Variants in CDYL2 observed in about 807,000 individuals in gnomAD.
The protein encoded by CDYL2 is chromodomain Y-like protein 2.
In CDYL2, 23 loss-of-function variants were observed where a neutral mutation model predicts 49.4. The observed-to-expected ratio is 0.47, with a 90% confidence interval of 0.34 to 0.66. The LOEUF (loss-of-function observed/expected upper bound fraction) is 0.66. Ranked by LOEUF, CDYL2 falls within the 30% of genes least tolerant of loss-of-function variation. CDYL2 has a pLI of 0.01. For synonymous variants in CDYL2, 360 were observed against 268.8 expected, an observed-to-expected ratio of 1.34 and a Z score of -3.32; for missense variants, 678 against 656.4, an observed-to-expected ratio of 1.03 and a Z score of -0.36.
intron 1 of CDYL2, among the ~76,000 whole-genome samples, chr16:80,724,967 A>G (rs1008624464): frequency 6.6e-6 from 1 of 152,234 alleles, no homozygotes; most frequent in African/African-American, 2.4e-5. Flanking sequence ...CACTGAACTA[A>G]GAATGAAATC....
intron 1 of CDYL2, among the ~76,000 whole-genome samples, chr16:80,702,507 TGG>T (rs1327082929): frequency 6.6e-6 from 1 of 152,176 alleles, no homozygotes; most frequent in Admixed American, 6.5e-5. Context: ...TTCAGCACTC[TGG>T]GAGACCAAAG....
At chr16:80,777,536 G>T (rs867847360) in intron 1 of CDYL2, among the ~76,000 whole-genome samples, 5 of 151,946 alleles carry the variant, frequency 3.3e-5, no homozygotes, top group South Asian at 4.1e-4. Flanking sequence ...AAGAGATGAA[G>T]GGTATAACCA....
chr16:80,707,273 G>A (rs779775750), intron 1 of CDYL2, among the ~76,000 whole-genome samples: 1 of 152,082 alleles, frequency 6.6e-6, no homozygotes, highest in Non-Finnish European at 1.5e-5. Flanking sequence ...GACCAGCCTG[G>A]TCAACACAGC....
chr16:80,778,933 A>T (rs1907177612), intron 1 of CDYL2, among the ~76,000 whole-genome samples: 1 of 152,120 alleles, frequency 6.6e-6, no homozygotes, highest in Non-Finnish European at 1.5e-5. Context: ...CAACAATCAC[A>T]GAGACCATAT....
rs1908023557 is a variant in CDYL2, at chr16:80,804,155, A to G, written c.19T>C (p.Tyr7His). ...GCGCCCCCGCGTCCCCGTACCTCGT[A>G]AAGGTCCCCAGAAGCCATGCCAGGC... MASGDLYEVERIVDKRK... is the reference protein window; with the variant it reads MASGDLHEVERIVDKRK... Residue 7 changes from tyrosine to histidine, a missense_variant, in exon 1 of 7, where the codon TAC (tyrosine) becomes CAC (histidine). Physicochemically the swap from Tyr to His is moderately conservative, Grantham distance 83. Around this residue, in one of 3 missense-constraint regions of CDYL2, gnomAD observed 478 missense variants for 427.0 expected, o/e 1.12. Transcript: ENST00000570137. 2.3e-6 allele frequency: 3 copies of G among 1,277,250 alleles called. No homozygotes were observed. The highest frequency in any genetic ancestry group is 2.8e-5 in the Admixed American group (1 of 35,820). 79.1% of individuals were successfully genotyped at this position (1,277,250 alleles called of 1,614,324 possible). A position where few individuals can be genotyped will look rare whatever the true frequency, so the allele number is the denominator to read the frequency against.
chr16:80,692,095 C>T (rs1910439721), intron 1 of CDYL2, among the ~76,000 whole-genome samples: 1 of 152,010 alleles, frequency 6.6e-6, no homozygotes, highest in Non-Finnish European at 1.5e-5. Context: ...CTAAGTCCAA[C>T]AAAGAGAAAA....
At chr16:80,623,793 T>C (rs1333504907) in intron 3 of CDYL2, among the ~76,000 whole-genome samples, 1 of 152,152 alleles carries the variant, frequency 6.6e-6, no homozygotes, top group Non-Finnish European at 1.5e-5. Context: ...TTGGGGACCA[T>C]GTCCTTCACC....
At chr16:80,700,565 G>A (rs1314604092) in intron 1 of CDYL2, among the ~76,000 whole-genome samples, 1 of 152,118 alleles carries the variant, frequency 6.6e-6, no homozygotes, top group Non-Finnish European at 1.5e-5. Flanking sequence ...TAGAAAGAGG[G>A]TTAAGCTCAT....
chr16:80,712,215 A>ATATATATATATATATATATATATATC (rs763194077), intron 1 of CDYL2, among the ~76,000 whole-genome samples: 5 of 128,372 alleles, frequency 3.9e-5, no homozygotes, highest in East Asian at 2.1e-4. Flanking sequence ...ATATATATAT[A>ATATATATATATATATATATATATATC]TCTCCAAACC....
chr16:80,734,232 T>C (rs949433758), intron 1 of CDYL2, among the ~76,000 whole-genome samples: 2 of 152,202 alleles, frequency 1.3e-5, no homozygotes, highest in African/African-American at 2.4e-5. Context: ...TAAATCTTGT[T>C]GCATATTCCT....
At chr16:80,659,440 G>A (rs937388383) in intron 2 of CDYL2, among the ~76,000 whole-genome samples, 2 of 151,944 alleles carry the variant, frequency 1.3e-5, no homozygotes, top group African/African-American at 2.4e-5. Flanking sequence ...TTGCATCAAC[G>A]CAAAATTTCT....
intron 1 of CDYL2, among the ~76,000 whole-genome samples, chr16:80,697,591 G>C (rs1904281439): frequency 6.6e-6 from 1 of 152,092 alleles, no homozygotes; most frequent in South Asian, 2.1e-4. Context: ...ACAAGATAAA[G>C]AAATAAGGGG....
intron 3 of CDYL2, among the ~76,000 whole-genome samples, chr16:80,621,164 G>C (rs1033568502): frequency 1.3e-5 from 2 of 152,254 alleles, no homozygotes; most frequent in African/African-American, 4.8e-5. Context: ...AGGCAGAAGA[G>C]TGCTAATAAG....
chr16:80,750,460 A>T (rs1195884131), intron 1 of CDYL2, among the ~76,000 whole-genome samples: 1 of 151,932 alleles, frequency 6.6e-6, no homozygotes, highest in African/African-American at 2.4e-5. Context: ...AGAGAGAAAT[A>T]AAAAACTTAA....
intron 4 of CDYL2, among the ~76,000 whole-genome samples, chr16:80,616,935 C>T (rs576107422): frequency 1.1e-4 from 16 of 152,342 alleles, no homozygotes; most frequent in African/African-American, 3.8e-4. Context: ...ATACCCAAAG[C>T]TCCACCACCA....
chr16:80,619,454 T>C (rs1327250945), intron 4 of CDYL2, among the ~76,000 whole-genome samples: 1 of 152,148 alleles, frequency 6.6e-6, no homozygotes. Flanking sequence ...ACACCTCCAC[T>C]GAAATGTGTA....
chr16:80,633,564 T>C (rs895826902), intron 2 of CDYL2, among the ~76,000 whole-genome samples: 2 of 152,228 alleles, frequency 1.3e-5, no homozygotes, highest in Non-Finnish European at 2.9e-5. Context: ...CCCTCTCCAC[T>C]GGTGGATGCC....
chr16:80,747,577 C>T (rs1037502185), intron 1 of CDYL2, among the ~76,000 whole-genome samples: 37 of 152,190 alleles, frequency 2.4e-4, no homozygotes, highest in African/African-American at 7.9e-4. Context: ...TGAATAGTAG[C>T]TGGTGGGAAT....
At chr16:80,749,282 G>C (rs1906047035) in intron 1 of CDYL2, among the ~76,000 whole-genome samples, 2 of 152,120 alleles carry the variant, frequency 1.3e-5, no homozygotes, top group Non-Finnish European at 2.9e-5. Flanking sequence ...TTTTAAAATT[G>C]TTGAAAACAT....
Sources: gnomAD v4.1 joint callset for allele counts (sites outside exome capture counted in the v4.1 genomes callset) on GRCh38, gnomAD v4.1.1 for gene constraint, gnomAD v4.1.1 regional missense constraint, MANE v1.5 for transcripts, NCBI Gene and HGNC (gene_info 2026-07-23, HGNC 2026-07-21) for gene names.